Variants in ABCC5 observed in about 807,000 individuals in gnomAD.
ABCC5 encodes ATP-binding cassette sub-family C member 5.
A neutral mutation model predicts 160.9 loss-of-function variants in ABCC5; 61 were observed. The observed-to-expected ratio is 0.38, with a 90% CI of 0.31 to 0.47. The LOEUF is 0.47. Ranked by LOEUF, ABCC5 falls within the 20% of genes least tolerant of loss-of-function variation. The probability of loss-of-function intolerance (pLI) is 0.99; values close to 1 mark genes in which losing one functional copy is unlikely to be tolerated. For missense variants in ABCC5, 1,308 were observed against 1,813.3 expected (o/e 0.72, Z 5.06); for synonymous variants, 666 against 700.6 (o/e 0.95, Z 0.78).
In ABCC5 at chr3:183,920,426, A is replaced by G. The variant is rs986548884; in HGVS notation, c.*874T>C. 1 of 152,610 alleles carries G rather than the reference A, an allele frequency of 6.6e-6. No individual in the cohort carries two copies. Among genetic ancestry groups the G allele is most frequent in the African/African-American group, 2.4e-5 (1 of 41,428 alleles). 9.5% of individuals were successfully genotyped at this position (152,610 alleles called of 1,614,324 possible). On this transcript the variant is annotated 3_prime_UTR_variant, in exon 30 of 30. Coordinates refer to ENST00000334444, the MANE Select transcript of ABCC5 (RefSeq NM_005688.4). The surrounding 1 kb of genome is among the most constrained non-coding windows in gnomAD (Gnocchi z 4.1). ...GTCTTGGAGCTGGAGAGCTCTGTGC[A>G]GTGGCCAGCCATAGGAACCTGAGGC...
At chr3:183,953,601 G>C (rs558526243) in intron 17 of ABCC5, among the ~76,000 whole-genome samples, 4 of 152,188 alleles carry the variant, frequency 2.6e-5, no homozygotes, top group African/African-American at 7.2e-5. Context: ...TGATGATAGA[G>C]CTATACGCAG....
intron 26 of ABCC5, among the ~76,000 whole-genome samples, chr3:183,930,145 G>A (rs1001696317): frequency 9.2e-5 from 14 of 152,222 alleles, no homozygotes; most frequent in Non-Finnish European, 1.2e-4. Flanking sequence ...CTCTCTGGGA[G>A]AAACATGGAC....
chr3:184,015,342 C>T (rs1362679044), intron 1 of ABCC5, among the ~76,000 whole-genome samples: 1 of 152,112 alleles, frequency 6.6e-6, no homozygotes, highest in African/African-American at 2.4e-5. Context: ...CAAAATGTTT[C>T]CCCCCTCTAA....
chr3:183,984,303 C>T, intron 5 of ABCC5: 1 of 985,604 alleles, frequency 1.0e-6, no homozygotes, highest in Non-Finnish European at 1.2e-6. Context: ...AACAAAAAAC[C>T]ACAACAAAAG....
At chr3:183,980,173 C>A (rs1287612772) in intron 8 of ABCC5, among the ~76,000 whole-genome samples, 1 of 152,152 alleles carries the variant, frequency 6.6e-6, no homozygotes, top group African/African-American at 2.4e-5. Flanking sequence ...CTGTACCTGG[C>A]AAATACTTAA....
At chr3:183,923,576 T>C (rs1380457982) in intron 29 of ABCC5, among the ~76,000 whole-genome samples, 1 of 152,136 alleles carries the variant, frequency 6.6e-6, no homozygotes, top group Non-Finnish European at 1.5e-5. Flanking sequence ...TGAGCCAAGA[T>C]TGCACCACTG....
At chr3:183,950,268 A>C in intron 20 of ABCC5, 143 bp from the exon 21 acceptor site, 4 of 986,870 alleles carry the variant, frequency 4.1e-6, no homozygotes. Context: ...AGAAAAATTT[A>C]GAAACCTGGA....
Position 183,992,113 on chromosome 3 carries a change from C to T in ABCC5, c.130-2730G>A, listed in dbSNP as rs75228793. ...TCAAGACTGACATCATGTATACATGCACTCTGACCACTTTAGGATTTAATT... is the reference window on the plus strand; with the variant it reads ...TCAAGACTGACATCATGTATACATGTACTCTGACCACTTTAGGATTTAATT... On this transcript the variant is annotated intron_variant, in intron 2 of 29. Transcript: ENST00000334444. 1.4e-3 allele frequency among the ~76,000 whole-genome samples: 208 copies of T among 152,318 alleles called. 5 individuals carry two copies. The East Asian group carries it at 0.036, about 27-fold the overall frequency.
chr3:183,947,495 C>T lies in ABCC5; in HGVS notation c.3243G>A (p.Leu1081=), dbSNP rs1024613744. 4.4e-6 allele frequency: 7 copies of T among 1,599,810 alleles called. No homozygotes were observed. The African/African-American group carries it at 8.1e-5, about 18-fold the overall frequency. The change falls in exon 23 of 30, where the codon CTG becomes CTA. Residue 1081 remains leucine (L), a synonymous_variant. Coordinates refer to ENST00000334444, the MANE Select transcript of ABCC5 (RefSeq NM_005688.4). ...QEFLHRYQEL[L]DDNQAPFFLF... Reference sequence around the variant, plus strand: ...AAAAAAAAGGAGCTTGGTTGTCATCCAGCAGCTCCTGGTATCTGTGAGAAA... The same window carrying T: ...AAAAAAAAGGAGCTTGGTTGTCATCTAGCAGCTCCTGGTATCTGTGAGAAA...
Position 183,925,662 on chromosome 3 carries a change from G to C in ABCC5, c.4105C>G (p.Gln1369Glu), listed in dbSNP as rs1448900537. 1.2e-6 allele frequency: 2 copies of C among 1,614,030 alleles called. No individual in the cohort carries two copies. Among genetic ancestry groups the C allele is most frequent in the South Asian group, 2.2e-5 (2 of 91,070 alleles). ...AMDTETDLLI[Q>E]ETIREAFADC... ...GCAAATGCTTCTCGGATGGTCTCTT[G>C]AATCAATAAGTCTGTCTCTGTGTCC... Residue 1369 changes from glutamine to glutamate, a missense_variant, in exon 29 of 30, where the codon CAA (glutamine) becomes GAA (glutamate). By Grantham distance (29) the Gln-to-Glu change is conservative. This residue lies in a region of ABCC5 where 163 missense variants were observed against 269.7 expected (regional missense o/e 0.60). Coordinates refer to ENST00000334444, the MANE Select transcript of ABCC5 (RefSeq NM_005688.4).
intron 26 of ABCC5, among the ~76,000 whole-genome samples, chr3:183,933,766 C>G (rs1242796289): frequency 1.3e-5 from 2 of 152,176 alleles, no homozygotes; most frequent in Non-Finnish European, 2.9e-5. Flanking sequence ...CAATTTTTAT[C>G]TTGTGACTTT....
rs761768094 is a variant in ABCC5 at position 183,971,895 on chromosome 3, G to A, written c.1429C>T (p.His477Tyr). ...CTGGCTGGTTTGTTCTTTATCATGT[G>A]AACCTCTTCCATTAGAAACAAACTC... ...FKSLFLMEEV[H>Y]MIKNKPASPH... is the part of the protein sequence containing the mutation. Residue 477 changes from histidine to tyrosine, a missense_variant, in exon 11 of 30, where the codon CAC (histidine) becomes TAC (tyrosine). Physicochemically the swap from His to Tyr is moderately conservative, Grantham distance 83. Coordinates refer to ENST00000334444, the MANE Select transcript of ABCC5 (RefSeq NM_005688.4). 2 of 1,613,930 alleles carry A rather than the reference G, an allele frequency of 1.2e-6. No homozygotes were observed. The highest frequency in any genetic ancestry group is 2.7e-5 in the African/African-American group (2 of 74,872).
At chr3:183,992,854 G>C (rs1022996092) in intron 2 of ABCC5, among the ~76,000 whole-genome samples, 3 of 152,032 alleles carry the variant, frequency 2.0e-5, no homozygotes, top group African/African-American at 7.2e-5. Flanking sequence ...TTAAGCTAGG[G>C]GTTGACAAAC....
At position 183,953,168 on chromosome 3, in the gene ABCC5, A is replaced by G; in HGVS notation, c.2585T>C (p.Ile862Thr). 1.2e-6 allele frequency: 2 copies of G among 1,614,142 alleles called. No individual in the cohort carries two copies. The highest frequency in any genetic ancestry group is 1.7e-6 in the Non-Finnish European group (2 of 1,180,022). ...TACATTCAGCATGAAAAGGGCCATA[A>G]TAACCAGGAATGCCAAGGGGCCCCC... ...AAGGPLAFLV[I>T]MALFMLNVGS... is the part of the protein sequence containing the mutation. The change falls in exon 18 of 30, where the codon ATT (isoleucine) becomes ACT (threonine). Residue 862 changes from isoleucine (I) to threonine (T), a missense_variant. By Grantham distance (89) the Ile-to-Thr change is moderately conservative. Coordinates refer to ENST00000334444, the MANE Select transcript of ABCC5 (RefSeq NM_005688.4).
chr3:183,946,782 A>G (rs1321030869), intron 23 of ABCC5, among the ~76,000 whole-genome samples: 1 of 152,196 alleles, frequency 6.6e-6, no homozygotes, highest in East Asian at 1.9e-4. Flanking sequence ...ATTATTTTAG[A>G]GGGTAATAAT....
intron 17 of ABCC5, among the ~76,000 whole-genome samples, chr3:183,953,571 A>G (rs147111590): frequency 6.6e-6 from 1 of 152,300 alleles, no homozygotes; most frequent in Non-Finnish European, 1.5e-5. Context: ...TCACATAATT[A>G]CAGTGAAATG....
At chr3:183,952,200 G>A (rs960230295) in intron 18 of ABCC5, among the ~76,000 whole-genome samples, 197 bp from the exon 19 acceptor site, 2 of 147,776 alleles carry the variant, frequency 1.4e-5, no homozygotes, top group Admixed American at 6.8e-5. Context: ...AGGCTGGAGT[G>A]CAGTGGCGCA....
intron 2 of ABCC5, among the ~76,000 whole-genome samples, chr3:184,005,811 A>C (rs1266596257): frequency 6.6e-6 from 1 of 152,104 alleles, no homozygotes; most frequent in East Asian, 1.9e-4. Flanking sequence ...CATTAACGGA[A>C]ACCCACCTAA....
chr3:183,948,178 A>C (rs901005126), intron 22 of ABCC5, among the ~76,000 whole-genome samples: 1 of 152,234 alleles, frequency 6.6e-6, no homozygotes, highest in African/African-American at 2.4e-5. Flanking sequence ...CAGAGCAGGA[A>C]GTTTTGCTGC....
Sources: allele counts gnomAD v4.1 joint callset (sites outside exome capture counted in the v4.1 genomes callset), GRCh38; gene constraint gnomAD v4.1.1; regional missense constraint gnomAD v4.1.1; non-coding constraint Gnocchi (gnomAD v3.1); transcripts MANE v1.5; gene names NCBI Gene and HGNC (gene_info 2026-07-23, HGNC 2026-07-21).